Variants in CCT3 observed in about 807,000 individuals in gnomAD.
CCT3 encodes T-complex protein 1 subunit gamma.
In CCT3, 10 loss-of-function variants were observed where a neutral mutation model predicts 65.3. The ratio of observed to expected loss-of-function variants is 0.15; its 90% CI spans 0.09 to 0.26. The LOEUF (loss-of-function observed/expected upper bound fraction) is 0.26, where lower values mean the gene tolerates loss of function less well. Among genes scored for constraint, CCT3 ranks in the 10% least tolerant of loss-of-function variants. CCT3 has a pLI of 1.00. For missense variants in CCT3, 626 were observed against 708.7 expected, an observed-to-expected ratio of 0.88 and a Z score of 1.33; for synonymous variants, 225 against 242.3, an observed-to-expected ratio of 0.93 and a Z score of 0.66.
At chr1:156,317,385 G>A in intron 9 of CCT3, 30 bp downstream of exon 9, 1 of 1,603,226 alleles carries the variant, frequency 6.2e-7, no homozygotes, top group Non-Finnish European at 8.5e-7. Context: ...CTACCTCAAA[G>A]GTAGGCTGGA....
At chr1:156,337,321 T>A in intron 1 of CCT3, 1 of 271,708 alleles carries the variant, frequency 3.7e-6, no homozygotes, top group Non-Finnish European at 7.3e-6. Context: ...GGCAGGAGGA[T>A]CGCTTGAACC....
chr1:156,325,106 C>A lies in CCT3; in HGVS notation c.305-17G>T. On this transcript the variant is annotated splice_polypyrimidine_tract_variant and intron_variant, in intron 5 of 13. Coordinates refer to ENST00000295688, the MANE Select transcript of CCT3 (RefSeq NM_005998.5). Reference sequence around the variant, plus strand: ...TTTCCCCTGCTGAAAAAGATACAAGCACCATAGTAATATTTAAAGCATCTG... The same window carrying A: ...TTTCCCCTGCTGAAAAAGATACAAGAACCATAGTAATATTTAAAGCATCTG... 1.3e-6 allele frequency: 2 copies of A among 1,535,778 alleles called. No individual in the cohort carries two copies. Among genetic ancestry groups the A allele is most frequent in the South Asian group, 2.2e-5 (2 of 89,478 alleles).
At chr1:156,327,322 G>C (rs546215584) in intron 5 of CCT3, among the ~76,000 whole-genome samples, 5 of 152,036 alleles carry the variant, frequency 3.3e-5, no homozygotes, top group Non-Finnish European at 7.4e-5. Flanking sequence ...CTCTTTCCAC[G>C]GTCTCCCTCT....
chr1:156,331,047 T>C (rs1161181919), intron 5 of CCT3, among the ~76,000 whole-genome samples: 1 of 150,422 alleles, frequency 6.6e-6, no homozygotes, highest in Non-Finnish European at 1.5e-5. Context: ...GCCTGGCCAA[T>C]ATGGTGAAAT....
intron 6 of CCT3, 113 bp from the exon 7 acceptor site, chr1:156,321,138 A>C: frequency 1.2e-6 from 1 of 832,684 alleles, no homozygotes; most frequent in Non-Finnish European, 1.9e-6. Flanking sequence ...GAACAAGGGG[A>C]TTTGTTCCTT....
intron 11 of CCT3, 110 bp from the exon 12 acceptor site, chr1:156,311,305 A>T (rs1347426009): frequency 2.7e-5 from 29 of 1,074,700 alleles, no homozygotes; most frequent in Non-Finnish European, 3.7e-5. Context: ...AAGGAGGGCA[A>T]CTAGAAAAGG....
chr1:156,337,006 G>A lies in CCT3; in HGVS notation c.32-1118C>T, dbSNP rs547490640. 11 of 1,055,498 alleles carry A rather than the reference G, an allele frequency of 1.0e-5. No homozygotes were observed. The East Asian group carries it at 6.4e-4, about 61-fold the overall frequency. The allele number at this position is 1,055,498 out of a possible 1,614,324, so 65.4% of individuals were successfully genotyped here. A position where few individuals can be genotyped will look rare whatever the true frequency, so the allele number is the denominator to read the frequency against. On this transcript the variant is annotated intron_variant, in intron 1 of 13. Transcript: ENST00000295688. ...GAAAGGCAGTCAGTATACAGAAGACGGTAAGGGAGGGGAGATGGCTAGCCA... is the reference window on the plus strand; with the variant it reads ...GAAAGGCAGTCAGTATACAGAAGACAGTAAGGGAGGGGAGATGGCTAGCCA...
chr1:156,325,332 C>T (rs1385586703), intron 5 of CCT3, among the ~76,000 whole-genome samples: 1 of 152,054 alleles, frequency 6.6e-6, no homozygotes. Flanking sequence ...TCAAGATCAG[C>T]CTGGGCAACA....
Position 156,312,042 on chromosome 1 carries a change from G to A in CCT3, c.1154C>T (p.Ser385Leu), listed in dbSNP as rs368091711. 6.8e-6 allele frequency: 11 copies of A among 1,609,962 alleles called. No homozygotes were observed. The highest frequency in any genetic ancestry group is 4.4e-5 in the South Asian group (4 of 90,610). The stretch of plus-strand genomic sequence containing the variant: ...GTCATACATCCAAGGCTGACTCACC[G>A]AGAGAATCTCTTTGCTAGCCCCCCG... ...LLRGASKEIL[S>L]EVERNLQDAM... The change falls in exon 11 of 14, where the codon TCG (serine) becomes TTG (leucine). Residue 385 changes from serine (S) to leucine (L), a missense_variant and splice_region_variant. Transcript: ENST00000295688.
intron 1 of CCT3, chr1:156,336,122 G>A (rs1665339485): frequency 5.0e-6 from 2 of 401,906 alleles, no homozygotes; most frequent in South Asian, 8.3e-5. Flanking sequence ...TTCAATCCTT[G>A]GTATATTAAG....
At position 156,334,852 on chromosome 1, in the gene CCT3, G is replaced by A. The variant is rs1417385364; in HGVS notation, c.144+16C>T. Reference sequence around the variant, plus strand: ...AAAAATTGTAGCCTAAGAGTTTTAGGAAGAGATAAGCCTACCTTCATCATG... The same window carrying A: ...AAAAATTGTAGCCTAAGAGTTTTAGAAAGAGATAAGCCTACCTTCATCATG... On this transcript the variant is annotated intron_variant, in intron 3 of 13. Coordinates refer to ENST00000295688, the MANE Select transcript of CCT3 (RefSeq NM_005998.5). 11 of 1,613,864 alleles carry A rather than the reference G, an allele frequency of 6.8e-6. No homozygotes were observed. Among genetic ancestry groups the A allele is most frequent in the Non-Finnish European group, 9.3e-6 (11 of 1,179,874 alleles).
intron 6 of CCT3, among the ~76,000 whole-genome samples, chr1:156,322,417 C>G (rs1194620038): frequency 6.6e-6 from 1 of 151,386 alleles, no homozygotes; most frequent in South Asian, 2.1e-4. Context: ...TTGCTTGAAC[C>G]GAAGAGGCGG....
chr1:156,324,904 G>A, intron 6 of CCT3, 68 bp downstream of exon 6: 1 of 1,057,932 alleles, frequency 9.5e-7, no homozygotes, highest in South Asian at 1.3e-5. Flanking sequence ...TGGGATGACA[G>A]CCATGAGCCA....
chr1:156,319,896 G>C (rs967066397), intron 7 of CCT3, among the ~76,000 whole-genome samples: 1 of 152,080 alleles, frequency 6.6e-6, no homozygotes, highest in South Asian at 2.1e-4. Flanking sequence ...CTACATAATA[G>C]AGCCCTTGTT....
At position 156,310,543 on chromosome 1, in the gene CCT3, CT is replaced by C; in HGVS notation, c.1533+14del. The C allele has an allele frequency of 6.2e-7, 1 of 1,601,420 alleles. No individual in the cohort carries two copies. The highest frequency in any genetic ancestry group is 1.1e-5 in the South Asian group (1 of 90,090). ...ATTAATTAAAACAGCGTGTACATAT[CT>C]TAGGGTGCCTTACCTCCACTGCTGT... On this transcript the variant is annotated intron_variant, in intron 13 of 13. Transcript: ENST00000295688.
intron 8 of CCT3, among the ~76,000 whole-genome samples, chr1:156,318,500 T>A (rs1450482625): frequency 6.6e-6 from 1 of 152,168 alleles, no homozygotes; most frequent in Non-Finnish European, 1.5e-5. Flanking sequence ...ATTATAGGTG[T>A]GAGCCACTGC....
Position 156,333,624 on chromosome 1 carries a change from G to A in CCT3, c.227C>T (p.Ala76Val), listed in dbSNP as rs1452519324. Residue 76 changes from alanine to valine, a missense_variant, in exon 5 of 14, where the codon GCG becomes GTG. Physicochemically the swap from Ala to Val is moderately conservative, Grantham distance 64. Coordinates refer to ENST00000295688, the MANE Select transcript of CCT3 (RefSeq NM_005998.5). ...ILREIQVQHP[A>V]AKSMIEISRT... ...GCTAATTTCGATCATGGACTTGGCC[G>A]CTGGATGCTGGACTTGAATCTAAAA... 3.7e-6 allele frequency: 6 copies of A among 1,613,722 alleles called. No individual in the cohort carries two copies. The highest frequency in any genetic ancestry group is 2.2e-5 in the South Asian group (2 of 91,080).
chr1:156,310,424 G>A (rs1664031772), intron 13 of CCT3, 134 bp downstream of exon 13: 1 of 499,724 alleles, frequency 2.0e-6, no homozygotes. Flanking sequence ...AACCCGGGAG[G>A]CGGAGATTGC....
intron 12 of CCT3, 38 bp from the exon 13 acceptor site, chr1:156,310,727 A>C (rs1166567664): frequency 6.2e-7 from 1 of 1,609,526 alleles, no homozygotes; most frequent in Admixed American, 1.7e-5. Context: ...AAAATAAGTT[A>C]ACAGGAAACA....
Sources: allele counts gnomAD v4.1 joint callset (sites outside exome capture counted in the v4.1 genomes callset), GRCh38; gene constraint gnomAD v4.1.1; transcripts MANE v1.5; gene names NCBI Gene and HGNC (gene_info 2026-07-23, HGNC 2026-07-21).